PCDH1: variants seen among roughly 807,000 people sequenced by gnomAD.
PCDH1 encodes protocadherin-1.
A neutral mutation model predicts 74.6 loss-of-function variants in PCDH1; 23 were observed. That is an observed-to-expected ratio of 0.31 (90% CI 0.22 to 0.44). PCDH1 has a LOEUF of 0.44. Ranked by LOEUF, PCDH1 falls within the 20% of genes least tolerant of loss-of-function variation. PCDH1 has a pLI of 1.00. For synonymous variants in PCDH1, 647 were observed against 686.1 expected (o/e 0.94, Z 0.89); for missense variants, 1,214 against 1,641.4 (o/e 0.74, Z 4.50).
At chr5:141,873,613 A>ATTTTTTTTTTTTTTTT (rs34468568) in intron 1 of PCDH1, among the ~76,000 whole-genome samples, 1 of 122,526 alleles carries the variant, frequency 8.2e-6, no homozygotes. Flanking sequence ...TGCCCAGCTA[A>ATTTTTTTTTTTTTTTT]TTTTTTTTTT....
Position 141,863,205 on chromosome 5 carries a change from T to C in PCDH1, c.3099+27A>G. 2 of 1,552,942 alleles carry C rather than the reference T, an allele frequency of 1.3e-6. No homozygotes were observed. Among genetic ancestry groups the C allele is most frequent in the Non-Finnish European group, 1.7e-6 (2 of 1,150,170 alleles). On this transcript the variant is annotated intron_variant, in intron 3 of 4. Transcript: ENST00000287008. This position sits in a 1 kb window ranked among gnomAD's most constrained non-coding sequence, Gnocchi z 7.5. ...GGTAGGGGTGGGGTAGGGGCTGGGG[T>C]GTGCTGAGCTGAAAGGGCTGGCCTA... is the stretch of plus-strand genomic sequence containing the variant.
intron 1 of PCDH1, among the ~76,000 whole-genome samples, chr5:141,875,965 C>A (rs1020857026): frequency 1.3e-5 from 2 of 152,182 alleles, no homozygotes; most frequent in African/African-American, 4.8e-5. Flanking sequence ...CCTGGCAGCT[C>A]CCGAGGGTTG....
At chr5:141,867,674 A>C (rs1451961348) in intron 2 of PCDH1, 2 of 436,792 alleles carry the variant, frequency 4.6e-6, no homozygotes, top group African/African-American at 4.2e-5. Flanking sequence ...TTGAGGACCC[A>C]GGACTAAGGG....
In PCDH1 at chr5:141,868,597, T is replaced by C; in HGVS notation, c.875A>G (p.Asn292Ser). 1.3e-6 allele frequency: 2 copies of C among 1,564,092 alleles called. No homozygotes were observed. The highest frequency in any genetic ancestry group is 8.7e-7 in the Non-Finnish European group (1 of 1,155,392). The change falls in exon 2 of 5, where the codon AAT (asparagine) becomes AGT (serine). Residue 292 changes from asparagine (N) to serine (S), a missense_variant. Around this residue, in one of 4 missense-constraint regions of PCDH1, gnomAD observed 836 missense variants for 1,182.2 expected, o/e 0.71. Transcript: ENST00000287008. This position sits in a 1 kb window ranked among gnomAD's most constrained non-coding sequence, Gnocchi z 4.8. ...RPSYEAELSE[N>S]SPIGHSVIQV... ...GATGACCGAGTGGCCTATGGGGCTA[T>C]TCTCAGATAGTTCGGCCTCATAGGA...
At position 141,854,328 on chromosome 5, in the gene PCDH1, C is replaced by A. The variant is rs138258765; in HGVS notation, c.3428G>T (p.Arg1143Leu). The change falls in exon 5 of 5, where the codon CGC (arginine) becomes CTC (leucine). Residue 1143 changes from arginine (R) to leucine (L), a missense_variant. Physicochemically the swap from Arg to Leu is moderately radical, Grantham distance 102 (BLOSUM62 -2). Coordinates refer to ENST00000287008, the MANE Select transcript of PCDH1 (RefSeq NM_032420.5). ...CWMPGQSSPS[R>L]RTKSSALKLS... is the part of the protein sequence containing the mutation. ...TTTGAGGGCGCTGCTCTTGGTCCGG[C>A]GGCTGGGAGATGACTGGCCAGGCAT... The A allele has an allele frequency of 1.2e-6, 2 of 1,613,598 alleles. No homozygotes were observed. The highest frequency in any genetic ancestry group is 1.7e-5 in the Admixed American group (1 of 60,000).
chr5:141,862,928 C>T, intron 3 of PCDH1: 1 of 1,232,674 alleles, frequency 8.1e-7, no homozygotes, highest in Non-Finnish European at 1.0e-6. Context: ...TGCCTACCAC[C>T]CCCAACCCAT....
At position 141,856,338 on chromosome 5, in the gene PCDH1, G is replaced by A. The variant is rs1477371185; in HGVS notation, c.3319+914C>T. The A allele has an allele frequency of 4.9e-5, 56 of 1,137,646 alleles. 1 individual carries two copies. The highest frequency in any genetic ancestry group is 9.9e-5 in the Admixed American group (5 of 50,482). The allele number at this position is 1,137,646 out of a possible 1,614,324, so 70.5% of individuals were successfully genotyped here. On this transcript the variant is annotated intron_variant, in intron 4 of 4. Transcript: ENST00000287008. The stretch of plus-strand genomic sequence containing the variant: ...GCGGGGTGGGGGTGGAGGGCACTCT[G>A]AGACCTAGGGCCTGGGAGGTTAGAC...
intron 1 of PCDH1, among the ~76,000 whole-genome samples, chr5:141,874,417 A>G (rs1753168887): frequency 6.6e-6 from 1 of 152,208 alleles, no homozygotes; most frequent in South Asian, 2.1e-4. Context: ...TTCCTGGGCA[A>G]CGGTGCCCTA....
chr5:141,876,487 G>A (rs755561199), intron 1 of PCDH1, among the ~76,000 whole-genome samples: 12 of 152,220 alleles, frequency 7.9e-5, no homozygotes, highest in Non-Finnish European at 1.3e-4. Context: ...CTCGTGGCGA[G>A]CAGAGGGGGT....
At chr5:141,875,465 T>C (rs1284723351) in intron 1 of PCDH1, among the ~76,000 whole-genome samples, 2 of 152,082 alleles carry the variant, frequency 1.3e-5, no homozygotes, top group African/African-American at 4.8e-5. Context: ...CACCTTCTTC[T>C]TTCCCTACAC....
chr5:141,868,402 CTGGGG>C lies in PCDH1; in HGVS notation c.903+162_903+166del. 1 of 1,390,728 alleles carries C rather than the reference CTGGGG, an allele frequency of 7.2e-7. No homozygotes were observed. The highest frequency in any genetic ancestry group is 9.3e-7 in the Non-Finnish European group (1 of 1,077,824). 86.1% of individuals were successfully genotyped at this position (1,390,728 alleles called of 1,614,324 possible). A position where few individuals can be genotyped will look rare whatever the true frequency, so the allele number is the denominator to read the frequency against. On this transcript the variant is annotated intron_variant, in intron 2 of 4. Transcript: ENST00000287008. The surrounding 1 kb of genome is among the most constrained non-coding windows in gnomAD (Gnocchi z 4.8). Reference sequence around the variant, plus strand: ...TGATAGAGGAAAGTAATATCACCTGCTGGGGTGGGGTGGGAAAGACTCCCCTGGCT... The same window carrying C: ...TGATAGAGGAAAGTAATATCACCTGCTGGGGTGGGAAAGACTCCCCTGGCT...
At chr5:141,859,493 T>C (rs1237544924) in intron 3 of PCDH1, among the ~76,000 whole-genome samples, 5 of 152,222 alleles carry the variant, frequency 3.3e-5, no homozygotes, top group Admixed American at 3.3e-4. Context: ...TTATTTCCAG[T>C]TGGCTCTGCC....
At chr5:141,860,725 T>C (rs1423767384) in intron 3 of PCDH1, among the ~76,000 whole-genome samples, 3 of 152,160 alleles carry the variant, frequency 2.0e-5, no homozygotes, top group Non-Finnish European at 4.4e-5. Flanking sequence ...AAAATTAATA[T>C]TAAAATGACC....
At chr5:141,874,482 G>A (rs531802219) in intron 1 of PCDH1, among the ~76,000 whole-genome samples, 1 of 152,236 alleles carries the variant, frequency 6.6e-6, no homozygotes, top group East Asian at 1.9e-4. Context: ...GCCTGAGGGG[G>A]AACAGGCGCA....
At position 141,864,092 on chromosome 5, in the gene PCDH1, C is replaced by A; in HGVS notation, c.2239G>T (p.Gly747Cys). 1 of 1,611,448 alleles carries A rather than the reference C, an allele frequency of 6.2e-7. No individual in the cohort carries two copies. The highest frequency in any genetic ancestry group is 8.5e-7 in the Non-Finnish European group (1 of 1,177,830). ...SQVAAEDFDS[G>C]VNAELIYSIA... ...CTGTAGATCAGCTCAGCATTGACACCAGAGTCAAAGTCCTCGGCTGCCACC... is the reference window on the plus strand; with the variant it reads ...CTGTAGATCAGCTCAGCATTGACACAAGAGTCAAAGTCCTCGGCTGCCACC... Residue 747 changes from glycine to cysteine, a missense_variant, in exon 3 of 5, where the codon GGT becomes TGT. Gly to Cys is a radical substitution (Grantham distance 159). Coordinates refer to ENST00000287008, the MANE Select transcript of PCDH1 (RefSeq NM_032420.5). The surrounding 1 kb of genome is among the most constrained non-coding windows in gnomAD (Gnocchi z 5.9).
At chr5:141,874,728 C>T (rs1267536305) in intron 1 of PCDH1, among the ~76,000 whole-genome samples, 2 of 152,198 alleles carry the variant, frequency 1.3e-5, no homozygotes, top group African/African-American at 4.8e-5. Context: ...CAGAGGCAGC[C>T]ACCACTGTCC....
chr5:141,854,014 G>T lies in PCDH1; in HGVS notation c.*28C>A, dbSNP rs1167607768. 1.4e-6 allele frequency: 2 copies of T among 1,476,332 alleles called. No individual in the cohort carries two copies. Among genetic ancestry groups the T allele is most frequent in the Non-Finnish European group, 1.8e-6 (2 of 1,111,964 alleles). The allele number at this position is 1,476,332 out of a possible 1,614,324, so 91.5% of individuals were successfully genotyped here. On this transcript the variant is annotated 3_prime_UTR_variant, in exon 5 of 5. Transcript: ENST00000287008. ...TTTGGGAGCTGGCCGGCGGCTGGGG[G>T]AGGGGGGCCGGCCGGCCAGTAGGGG...
At chr5:141,871,943 T>G (rs889180147) in intron 1 of PCDH1, among the ~76,000 whole-genome samples, 2 of 152,210 alleles carry the variant, frequency 1.3e-5, no homozygotes, top group African/African-American at 4.8e-5. Flanking sequence ...CATAGTAGAC[T>G]CTCAGCAAAT....
rs371545800 is a variant in PCDH1 at position 141,865,353 on chromosome 5, C to A, written c.978G>T (p.Val326=). 1.2e-6 allele frequency: 2 copies of A among 1,614,166 alleles called. No homozygotes were observed. Among genetic ancestry groups the A allele is most frequent in the African/African-American group, 2.7e-5 (2 of 75,054 alleles). The stretch of plus-strand genomic sequence containing the variant: ...TCCTGTCCAGTCGAAGAAGACGCCT[C>A]ACAACTTCGGGCGCCTGGTGGAATG... ...EYTFHQAPEV[V]RRLLRLDRNT... is the part of the protein sequence containing the mutation. The change falls in exon 3 of 5, where the codon GTG becomes GTT. Residue 326 remains valine, a synonymous_variant. Transcript: ENST00000287008. The surrounding 1 kb of genome is among the most constrained non-coding windows in gnomAD (Gnocchi z 4.4).
Sources: allele counts gnomAD v4.1 joint callset (sites outside exome capture counted in the v4.1 genomes callset), GRCh38; gene constraint gnomAD v4.1.1; regional missense constraint gnomAD v4.1.1; non-coding constraint Gnocchi (gnomAD v3.1); transcripts MANE v1.5; gene names NCBI Gene and HGNC (gene_info 2026-07-23, HGNC 2026-07-21).